The following SLC24A2 variants were observed in gnomAD, a reference collection of about 807,000 sequenced individuals.
SLC24A2 encodes the protein solute carrier family 24 member 2.
SLC24A2 carries 36 observed loss-of-function variants against 62.0 expected under a neutral mutation model. The observed-to-expected ratio is 0.58, with a 90% CI of 0.44 to 0.77. The LOEUF (loss-of-function observed/expected upper bound fraction) is 0.77, where lower values mean the gene tolerates loss of function less well. Ranked by LOEUF, SLC24A2 falls within the 30% of genes least tolerant of loss-of-function variation. SLC24A2 has a pLI of 0.00. For missense variants in SLC24A2, 846 were observed against 817.9 expected, an observed-to-expected ratio of 1.03 and a Z score of -0.42; for synonymous variants, 358 against 294.0, an observed-to-expected ratio of 1.22 and a Z score of -2.23.
chr9:20,304,116 G>A, the SLC24A2 span, among the ~76,000 whole-genome samples: 1 of 152,188 alleles, frequency 6.6e-6, no homozygotes, highest in Non-Finnish European at 1.5e-5. Flanking sequence ...AAAGAGGCTA[G>A]CTTCAGTTTC....
chr9:20,248,019 C>T, the SLC24A2 span, among the ~76,000 whole-genome samples: 1 of 152,202 alleles, frequency 6.6e-6, no homozygotes, highest in African/African-American at 2.4e-5. Flanking sequence ...TGTCCACACA[C>T]GTGTAAAGCA....
At chr9:19,775,916 A>G (rs527867968) in intron 2 of SLC24A2, among the ~76,000 whole-genome samples, 86 of 152,360 alleles carry the variant, frequency 5.6e-4, no homozygotes, top group Admixed American at 1.5e-3. Flanking sequence ...AGAAGGAGAA[A>G]AAAACGTTCT....
the SLC24A2 span, among the ~76,000 whole-genome samples, chr9:19,869,685 C>G: frequency 4.5e-3 from 684 of 152,208 alleles, 6 homozygotes; most frequent in African/African-American, 0.016. Context: ...CCTTTTCCTC[C>G]CTCTTCCTTT....
the SLC24A2 span, among the ~76,000 whole-genome samples, chr9:20,289,765 T>C: frequency 6.6e-6 from 1 of 152,190 alleles, no homozygotes; most frequent in Non-Finnish European, 1.5e-5. Flanking sequence ...TGCCTCCTCC[T>C]GTTATATCAG....
chr9:20,193,440 G>C, the SLC24A2 span, among the ~76,000 whole-genome samples: 3 of 152,008 alleles, frequency 2.0e-5, no homozygotes, highest in East Asian at 3.9e-4. Flanking sequence ...CCACCCAAAA[G>C]AAAGATTATC....
chr9:19,743,515 C>T (rs1037056189), intron 2 of SLC24A2, among the ~76,000 whole-genome samples: 2 of 152,102 alleles, frequency 1.3e-5, no homozygotes, highest in Non-Finnish European at 2.9e-5. Flanking sequence ...AATGGGTGTG[C>T]TGTCGGGGCT....
At chr9:20,224,062 C>A in the SLC24A2 span, among the ~76,000 whole-genome samples, 1 of 151,998 alleles carries the variant, frequency 6.6e-6, no homozygotes, top group African/African-American at 2.4e-5. Context: ...ACAAAAACAG[C>A]ATGAGGAAAC....
At chr9:19,587,638 G>A (rs1261638685) in intron 5 of SLC24A2, among the ~76,000 whole-genome samples, 1 of 149,666 alleles carries the variant, frequency 6.7e-6, no homozygotes, top group Non-Finnish European at 1.5e-5. Context: ...CAGCCTCCAA[G>A]TATAACAAAT....
At chr9:19,647,957 T>C (rs1818691169) in intron 2 of SLC24A2, among the ~76,000 whole-genome samples, 1 of 152,152 alleles carries the variant, frequency 6.6e-6, no homozygotes, top group African/African-American at 2.4e-5. Context: ...CCTCTTCCTA[T>C]TGGTGGTAGT....
chr9:19,929,454 G>A, the SLC24A2 span: 1 of 152,088 alleles, frequency 6.6e-6, no homozygotes, highest in East Asian at 1.9e-4. Flanking sequence ...AATATATGAT[G>A]GTGATCCCAG....
chr9:19,535,547 G>C (rs200803691), intron 8 of SLC24A2, among the ~76,000 whole-genome samples: 5 of 152,128 alleles, frequency 3.3e-5, no homozygotes, highest in African/African-American at 1.2e-4. Context: ...TAAGGAAAGG[G>C]TCCAGTTTAA....
chr9:19,929,570 A>G, the SLC24A2 span: 1 of 152,202 alleles, frequency 6.6e-6, no homozygotes, highest in Non-Finnish European at 1.5e-5. Context: ...AGCACATACA[A>G]TTACATACAG....
chr9:19,995,315 T>C, the SLC24A2 span, among the ~76,000 whole-genome samples: 9 of 152,240 alleles, frequency 5.9e-5, no homozygotes, highest in Non-Finnish European at 1.2e-4. Context: ...AATATGTTCA[T>C]CCTTCAGTCT....
intron 2 of SLC24A2, among the ~76,000 whole-genome samples, chr9:19,757,606 C>T (rs1021181798): frequency 6.6e-6 from 1 of 152,074 alleles, no homozygotes. Context: ...CTAAAATACC[C>T]CAATAAGCCA....
the SLC24A2 span, among the ~76,000 whole-genome samples, chr9:20,024,934 G>A: frequency 1.3e-5 from 2 of 152,116 alleles, no homozygotes; most frequent in Non-Finnish European, 1.5e-5. Flanking sequence ...TCAGCCATCT[G>A]GTCATCTTCT....
chr9:19,625,178 T>G (rs948441362), intron 2 of SLC24A2, among the ~76,000 whole-genome samples: 1 of 152,198 alleles, frequency 6.6e-6, no homozygotes, highest in African/African-American at 2.4e-5. Flanking sequence ...ATGATGCATT[T>G]TGCTTTTTAA....
At chr9:19,903,602 T>G in the SLC24A2 span, among the ~76,000 whole-genome samples, 1 of 151,996 alleles carries the variant, frequency 6.6e-6, no homozygotes, top group Admixed American at 6.5e-5. Context: ...GAGACAGAGG[T>G]AGAGCTAGCA....
intron 2 of SLC24A2, among the ~76,000 whole-genome samples, chr9:19,731,710 T>C (rs1821344207): frequency 6.6e-6 from 1 of 152,216 alleles, no homozygotes; most frequent in Non-Finnish European, 1.5e-5. Flanking sequence ...GGTATTTTCT[T>C]ATAGCAGCCC....
intron 8 of SLC24A2, among the ~76,000 whole-genome samples, chr9:19,549,878 G>A (rs758658525): frequency 1.3e-5 from 2 of 152,204 alleles, no homozygotes; most frequent in African/African-American, 2.4e-5. Context: ...TTGTTATGCA[G>A]ATTTGATAAC....
Sources: allele counts gnomAD v4.1 joint callset (sites outside exome capture counted in the v4.1 genomes callset), GRCh38; gene constraint gnomAD v4.1.1; transcripts MANE v1.5; gene names NCBI Gene and HGNC (gene_info 2026-07-23, HGNC 2026-07-21).